Variants in ADGRL3 observed in about 807,000 individuals in gnomAD.
The protein encoded by ADGRL3 is adhesion G protein-coupled receptor L3.
Under a neutral mutation model 153.5 loss-of-function variants are expected in ADGRL3, and 62 were observed. That is an observed-to-expected ratio of 0.40 (90% CI 0.33 to 0.50). The LOEUF is 0.50. Among genes scored for constraint, ADGRL3 ranks in the 20% least tolerant of loss-of-function variants. The probability of loss-of-function intolerance (pLI) is 0.47; values close to 1 mark genes in which losing one functional copy is unlikely to be tolerated. For missense variants in ADGRL3, 1,641 were observed against 1,859.4 expected, an observed-to-expected ratio of 0.88 and a Z score of 2.16; for synonymous variants, 710 against 672.5, an observed-to-expected ratio of 1.06 and a Z score of -0.86.
chr4:61,644,711 T>C (rs1320761050), intron 5 of ADGRL3, among the ~76,000 whole-genome samples: 1 of 152,198 alleles, frequency 6.6e-6, no homozygotes, highest in Admixed American at 6.5e-5. Context: ...TCCAAGTATG[T>C]GGTCAATTAT....
chr4:61,973,165 A>G (rs2099035390), intron 17 of ADGRL3, among the ~76,000 whole-genome samples: 1 of 151,984 alleles, frequency 6.6e-6, no homozygotes, highest in Non-Finnish European at 1.5e-5. Context: ...AGAAATATCA[A>G]CAGTTTCACA....
intron 9 of ADGRL3, among the ~76,000 whole-genome samples, chr4:61,864,872 C>G (rs776713780): frequency 5.9e-5 from 9 of 152,120 alleles, no homozygotes; most frequent in Non-Finnish European, 1.2e-4. Context: ...AGCTGTGGAA[C>G]TAAAATGAAA....
chr4:61,322,823 T>G (rs1242860084), intron 1 of ADGRL3, among the ~76,000 whole-genome samples: 3 of 152,162 alleles, frequency 2.0e-5, no homozygotes, highest in African/African-American at 7.2e-5. Context: ...AAGCTGTCAG[T>G]GTATCTACCA....
chr4:61,866,787 A>G (rs572775373), intron 9 of ADGRL3, among the ~76,000 whole-genome samples: 2 of 152,192 alleles, frequency 1.3e-5, no homozygotes, highest in East Asian at 3.9e-4. Context: ...AGGGAAGGTT[A>G]TTTTCTCATG....
At chr4:61,403,890 C>T (rs2096961090) in intron 2 of ADGRL3, among the ~76,000 whole-genome samples, 1 of 151,932 alleles carries the variant, frequency 6.6e-6, no homozygotes, top group Non-Finnish European at 1.5e-5. Flanking sequence ...ATTTGGTGAC[C>T]AGAAGTATTG....
chr4:61,276,388 T>C (rs1050996969), intron 1 of ADGRL3, among the ~76,000 whole-genome samples: 3 of 152,190 alleles, frequency 2.0e-5, no homozygotes, highest in African/African-American at 7.2e-5. Context: ...TCATTTGTTA[T>C]ACATTTGCCT....
intron 9 of ADGRL3, among the ~76,000 whole-genome samples, chr4:61,827,545 G>T (rs1441568315): frequency 2.6e-5 from 4 of 152,186 alleles, no homozygotes; most frequent in Non-Finnish European, 4.4e-5. Flanking sequence ...AGTTTGCATA[G>T]AAATATTGAT....
At chr4:61,500,915 G>A (rs533142501) in intron 3 of ADGRL3, among the ~76,000 whole-genome samples, 17 of 152,146 alleles carry the variant, frequency 1.1e-4, no homozygotes, top group Non-Finnish European at 1.8e-4. Flanking sequence ...CAAGGACTTG[G>A]CTTTTGAGCT....
Position 62,049,042 on chromosome 4 carries a change from C to T in ADGRL3, c.3814+4493C>T, listed in dbSNP as rs544508587. On this transcript the variant is annotated intron_variant, in intron 25 of 26. Transcript: ENST00000683033. Reference sequence around the variant, plus strand: ...TATTGTAAATATTATATTTGTTAGGCTTTATGTCATCACAAATATTTTATC... The same window carrying T: ...TATTGTAAATATTATATTTGTTAGGTTTTATGTCATCACAAATATTTTATC... Among the ~76,000 whole-genome samples the T allele has an allele frequency of 2.4e-4, 37 of 152,018 alleles. 1 individual carries two copies. The South Asian group carries it at 7.5e-3, about 31-fold the overall frequency.
intron 8 of ADGRL3, among the ~76,000 whole-genome samples, chr4:61,805,596 A>G (rs1290548303): frequency 6.6e-6 from 1 of 152,104 alleles, no homozygotes; most frequent in Non-Finnish European, 1.5e-5. Flanking sequence ...TAATTTCAAT[A>G]TTTTCTTTAT....
In ADGRL3 at chr4:61,373,704, T is replaced by C. The variant is rs1027534937; in HGVS notation, c.-239-9420T>C. Among the ~76,000 whole-genome samples the C allele has an allele frequency of 3.3e-5, 5 of 152,312 alleles. No individual in the cohort carries two copies. In the East Asian group the frequency reaches 7.7e-4, roughly 23 times the overall value. ...AAAATATTGTTTCACTTTAATAGAC[T>C]TTTTTACTTTTTAAAGAGTTGTGTT... On this transcript the variant is annotated intron_variant, in intron 1 of 26. Coordinates refer to ENST00000683033, the MANE Select transcript of ADGRL3 (RefSeq NM_001387552.1).
chr4:61,334,731 T>G (rs112709065), intron 1 of ADGRL3, among the ~76,000 whole-genome samples: 1 of 152,096 alleles, frequency 6.6e-6, no homozygotes, highest in South Asian at 2.1e-4. Context: ...TTATATAATA[T>G]ATATTTTAAA....
chr4:61,508,125 G>T (rs1242672248), intron 3 of ADGRL3, among the ~76,000 whole-genome samples: 2 of 151,910 alleles, frequency 1.3e-5, no homozygotes, highest in African/African-American at 2.4e-5. Context: ...AATCCTTTTT[G>T]TCAGGAGCCA....
intron 9 of ADGRL3, among the ~76,000 whole-genome samples, chr4:61,823,150 TG>T (rs1272683602): frequency 6.6e-6 from 1 of 152,238 alleles, no homozygotes; most frequent in Non-Finnish European, 1.5e-5. Flanking sequence ...GGTTATTCAC[TG>T]GCCCAGCTTC....
In ADGRL3 at chr4:61,983,404, G is replaced by T. The variant is rs1439982684; in HGVS notation, c.3037G>T (p.Ala1013Ser). Residue 1013 changes from alanine to serine, a missense_variant, in exon 19 of 27, where the codon GCC becomes TCC. Ala to Ser is a moderately conservative substitution (Grantham distance 99). Coordinates refer to ENST00000683033, the MANE Select transcript of ADGRL3 (RefSeq NM_001387552.1). ...CTAGATTGCCTGTGCTGTTTTCGCT[G>T]CCCTGTTACATTTCTTCTTCTTGGC... ...DQPIACAVFA[A>S]LLHFFFLAAF... is the part of the protein sequence containing the mutation. The T allele has an allele frequency of 6.2e-7, 1 of 1,613,638 alleles. No homozygotes were observed. Among genetic ancestry groups the T allele is most frequent in the South Asian group, 1.1e-5 (1 of 91,084 alleles).
chr4:61,770,487 T>C (rs2097071493), intron 8 of ADGRL3, among the ~76,000 whole-genome samples: 1 of 152,220 alleles, frequency 6.6e-6, no homozygotes, highest in Non-Finnish European at 1.5e-5. Context: ...TTTTGAGGCA[T>C]ATCTATTATC....
chr4:61,579,718 GCTTTT>G (rs1690335010), intron 4 of ADGRL3: 1 of 389,912 alleles, frequency 2.6e-6, no homozygotes, highest in Non-Finnish European at 5.0e-6. Context: ...TGAATTTCAT[GCTTTT>G]CTTTTGACCT....
intron 2 of ADGRL3, among the ~76,000 whole-genome samples, chr4:61,385,097 A>G (rs1161483565): frequency 1.3e-5 from 2 of 152,078 alleles, no homozygotes; most frequent in Non-Finnish European, 2.9e-5. Flanking sequence ...TAGAAAACAA[A>G]CCTGCCAAAC....
At chr4:61,927,154 G>A (rs935313894) in intron 13 of ADGRL3, among the ~76,000 whole-genome samples, 5 of 152,108 alleles carry the variant, frequency 3.3e-5, no homozygotes, top group African/African-American at 1.2e-4. Flanking sequence ...CTTTCTTGCT[G>A]CATCCCAGTT....
Sources: gnomAD v4.1 joint callset for allele counts (sites outside exome capture counted in the v4.1 genomes callset) on GRCh38, gnomAD v4.1.1 for gene constraint, MANE v1.5 for transcripts, NCBI Gene and HGNC (gene_info 2026-07-23, HGNC 2026-07-21) for gene names.